The following RLF variants were observed in gnomAD, a reference collection of about 807,000 sequenced individuals.
The protein encoded by RLF is RLF zinc finger.
In RLF, 7 loss-of-function variants were observed where a neutral mutation model predicts 162.9. The observed-to-expected ratio is 0.04, with a 90% CI of 0.02 to 0.08. The LOEUF is 0.08. RLF is among the 10% of genes least tolerant of loss of function. The pLI is 1.00. For missense variants in RLF, 1,664 were observed against 2,244.7 expected (o/e 0.74, Z 5.23); for synonymous variants, 782 against 791.5 (o/e 0.99, Z 0.20).
chr1:40,184,361 G>A (rs80178242), intron 1 of RLF, among the ~76,000 whole-genome samples: 1,545 of 152,288 alleles, frequency 0.01, 27 homozygotes, highest in African/African-American at 0.036. Context: ...GGGATATTGG[G>A]GGCCTGGTTT....
intron 5 of RLF, among the ~76,000 whole-genome samples, chr1:40,204,513 CT>C (rs1188771829): frequency 6.6e-6 from 1 of 152,142 alleles, no homozygotes; most frequent in East Asian, 1.9e-4. Flanking sequence ...CTCAGGTGAT[CT>C]TCCCACCTCA....
intron 4 of RLF, among the ~76,000 whole-genome samples, chr1:40,200,903 C>G (rs1642704500): frequency 7.9e-6 from 1 of 126,120 alleles, no homozygotes; most frequent in South Asian, 2.6e-4. Context: ...CACACACACA[C>G]ACACACACAC....
intron 5 of RLF, among the ~76,000 whole-genome samples, chr1:40,214,947 T>TAAAAAAAAAAAAAAAAA (rs1642906912): frequency 2.6e-4 from 17 of 65,038 alleles, no homozygotes; most frequent in East Asian, 4.3e-4. Flanking sequence ...AAAAAAAAAC[T>TAAAAAAAAAAAAAAAAA]AAAGTATGAG....
At chr1:40,179,986 G>A (rs1379329509) in intron 1 of RLF, among the ~76,000 whole-genome samples, 1 of 152,120 alleles carries the variant, frequency 6.6e-6, no homozygotes. Context: ...TTGTTCATCT[G>A]TTCATGAACA....
At chr1:40,235,414 G>A (rs550094700) in intron 7 of RLF, among the ~76,000 whole-genome samples, 60 of 152,050 alleles carry the variant, frequency 3.9e-4, no homozygotes, top group Non-Finnish European at 6.5e-4. Context: ...GTTTCCTGTT[G>A]CTGCCATTTT....
chr1:40,214,137 T>C (rs1642895217), intron 5 of RLF, among the ~76,000 whole-genome samples: 1 of 152,224 alleles, frequency 6.6e-6, no homozygotes, highest in Non-Finnish European at 1.5e-5. Context: ...CAAGAAATAA[T>C]GCAGAAATGC....
intron 5 of RLF, among the ~76,000 whole-genome samples, chr1:40,207,743 T>C (rs997875047): frequency 6.6e-6 from 1 of 152,160 alleles, no homozygotes; most frequent in Admixed American, 6.6e-5. Flanking sequence ...CCTGAGTAGC[T>C]GGGATTGCAG....
Position 40,232,129 on chromosome 1 carries a change from A to T in RLF, c.1089+471A>T, listed in dbSNP as rs188733648. Among the ~76,000 whole-genome samples the T allele has an allele frequency of 7.9e-4, 120 of 152,112 alleles. 1 individual carries two copies. The highest frequency in any genetic ancestry group is 2.5e-3 in the African/African-American group (102 of 41,490). ...AGGCTGAGGCAGGAGAATCGCTTGA[A>T]CAGGGAAGGCGGAGGTTGTGGTGAG... On this transcript the variant is annotated intron_variant, in intron 7 of 7. Coordinates refer to ENST00000372771, the MANE Select transcript of RLF (RefSeq NM_012421.4).
At chr1:40,220,861 C>T (rs926744897) in intron 5 of RLF, among the ~76,000 whole-genome samples, 3 of 151,318 alleles carry the variant, frequency 2.0e-5, no homozygotes, top group African/African-American at 7.3e-5. Flanking sequence ...GGCATTGGCT[C>T]ACAACTATAA....
At chr1:40,220,392 G>C (rs1642976379) in intron 5 of RLF, among the ~76,000 whole-genome samples, 1 of 152,080 alleles carries the variant, frequency 6.6e-6, no homozygotes, top group Non-Finnish European at 1.5e-5. Context: ...TCTTGTCCTG[G>C]AGTATCTTTC....
chr1:40,229,162 T>C (rs1351343299), intron 6 of RLF, among the ~76,000 whole-genome samples: 1 of 152,242 alleles, frequency 6.6e-6, no homozygotes, highest in Non-Finnish European at 1.5e-5. Context: ...TGATAATTTT[T>C]GTTCTGTTCA....
chr1:40,177,510 G>C (rs1243572019), intron 1 of RLF, among the ~76,000 whole-genome samples: 1 of 151,758 alleles, frequency 6.6e-6, no homozygotes, highest in Non-Finnish European at 1.5e-5. Flanking sequence ...AGCCAGGATG[G>C]GGTCTATCTC....
At chr1:40,197,457 A>G (rs1401335196) in intron 4 of RLF, among the ~76,000 whole-genome samples, 2 of 152,190 alleles carry the variant, frequency 1.3e-5, no homozygotes, top group Non-Finnish European at 2.9e-5. Context: ...AGGAGATTGC[A>G]TGTTTTGTGC....
intron 6 of RLF, among the ~76,000 whole-genome samples, chr1:40,227,489 C>G (rs953726161): frequency 2.0e-5 from 3 of 152,180 alleles, no homozygotes; most frequent in African/African-American, 7.2e-5. Context: ...TGACATCTTG[C>G]ATCCTCATGA....
At chr1:40,204,567 C>T (rs923301686) in intron 5 of RLF, among the ~76,000 whole-genome samples, 1 of 151,850 alleles carries the variant, frequency 6.6e-6, no homozygotes, top group African/African-American at 2.4e-5. Flanking sequence ...CCACCATTCC[C>T]GATTAATTTA....
intron 3 of RLF, among the ~76,000 whole-genome samples, chr1:40,195,216 C>T (rs1225463439): frequency 2.0e-5 from 3 of 151,010 alleles, no homozygotes; most frequent in Non-Finnish European, 3.0e-5. Context: ...TTTGGGAGGC[C>T]GAGGCGGGTG....
rs1158802007 is a variant in RLF at position 40,202,471 on chromosome 1, T to G, written c.667T>G (p.Leu223Val). The change falls in exon 5 of 8, where the codon TTG becomes GTG. Residue 223 changes from leucine to valine, a missense_variant. Physicochemically the swap from Leu to Val is conservative, Grantham distance 32. Coordinates refer to ENST00000372771, the MANE Select transcript of RLF (RefSeq NM_012421.4). ...TCTGCAAATGCGAATAAAACATTTG[T>G]TGAAATCTAACTGCATCCCCCAGGC... ...SFLQMRIKHLLKSNCIPQATA... is the reference protein window; with the variant it reads ...SFLQMRIKHLVKSNCIPQATA... The G allele has an allele frequency of 6.3e-7, 1 of 1,586,856 alleles. No individual in the cohort carries two copies.
rs796492769 is a variant in RLF, at chr1:40,209,750, G to A, written c.810+7136G>A. 8.5e-5 allele frequency among the ~76,000 whole-genome samples: 13 copies of A among 152,054 alleles called. 2 individuals carry two copies. The highest frequency in any genetic ancestry group is 2.9e-4 in the African/African-American group (12 of 41,464). The stretch of plus-strand genomic sequence containing the variant: ...AAATTAGTCAGGTGTGGTGGTGTGC[G>A]CCTGTAATCCCATCTACTCAGGAGG... On this transcript the variant is annotated intron_variant, in intron 5 of 7. Coordinates refer to ENST00000372771, the MANE Select transcript of RLF (RefSeq NM_012421.4).
At position 40,239,339 on chromosome 1, in the gene RLF, A is replaced by G; in HGVS notation, c.4637A>G (p.His1546Arg). The change falls in exon 8 of 8, where the codon CAC becomes CGC. Residue 1546 changes from histidine (H) to arginine (R), a missense_variant. His to Arg is a conservative substitution (Grantham distance 29). This residue lies in a region of RLF where 17 missense variants were observed against 57.0 expected (regional missense o/e 0.30). Coordinates refer to ENST00000372771, the MANE Select transcript of RLF (RefSeq NM_012421.4). ...CATATGTGTGTGGAGCACTCTGAGCACACACAGTACCCCTGCATGGTTCAA... is the reference window on the plus strand; with the variant it reads ...CATATGTGTGTGGAGCACTCTGAGCGCACACAGTACCCCTGCATGGTTCAA... ...ALHMCVEHSE[H>R]TQYPCMVQGC... is the part of the protein sequence containing the mutation. 7 of 1,614,112 alleles carry G rather than the reference A, an allele frequency of 4.3e-6. No homozygotes were observed. The highest frequency in any genetic ancestry group is 1.3e-5 in the African/African-American group (1 of 75,040).
Sources: gnomAD v4.1 joint callset for allele counts (sites outside exome capture counted in the v4.1 genomes callset) on GRCh38, gnomAD v4.1.1 for gene constraint, gnomAD v4.1.1 regional missense constraint, MANE v1.5 for transcripts, NCBI Gene and HGNC (gene_info 2026-07-23, HGNC 2026-07-21) for gene names.